The following MMP16 variants were observed in gnomAD, a reference collection of about 807,000 sequenced individuals.
MMP16 encodes the protein matrix metalloproteinase-16.
MMP16 carries 12 observed loss-of-function variants against 67.8 expected under a neutral mutation model. The observed-to-expected ratio is 0.18, with a 90% CI of 0.11 to 0.29. The LOEUF (loss-of-function observed/expected upper bound fraction) is 0.29, where lower values mean the gene tolerates loss of function less well. Among genes scored for constraint, MMP16 ranks in the 10% least tolerant of loss-of-function variants. The pLI is 1.00. For missense variants in MMP16, 475 were observed against 765.7 expected, an observed-to-expected ratio of 0.62 and a Z score of 4.48; for synonymous variants, 249 against 255.9, an observed-to-expected ratio of 0.97 and a Z score of 0.26.
At chr8:88,252,480 A>G (rs1810240562) in intron 1 of MMP16, among the ~76,000 whole-genome samples, 1 of 151,978 alleles carries the variant, frequency 6.6e-6, no homozygotes, top group African/African-American at 2.4e-5. Context: ...CTTTTGAACT[A>G]TTTTTCCCAG....
chr8:88,194,021 G>A (rs1413373024), intron 2 of MMP16, among the ~76,000 whole-genome samples: 2 of 151,854 alleles, frequency 1.3e-5, no homozygotes, highest in Non-Finnish European at 2.9e-5. Context: ...CATTCTGTGG[G>A]AGGGAATAAG....
At chr8:88,189,610 T>A (rs1456124631) in intron 2 of MMP16, among the ~76,000 whole-genome samples, 2 of 152,200 alleles carry the variant, frequency 1.3e-5, no homozygotes, top group Non-Finnish European at 2.9e-5. Context: ...ATGAAATGCC[T>A]TTGTAGAAAG....
In MMP16 at chr8:88,074,816, C is replaced by T. The variant is rs140046806; in HGVS notation, c.1084-73G>A. The T allele has an allele frequency of 2.0e-5, 31 of 1,518,102 alleles. No homozygotes were observed. In the East Asian group the frequency reaches 2.8e-4, roughly 14 times the overall value. The allele number at this position is 1,518,102 out of a possible 1,614,324, so 94.0% of individuals were successfully genotyped here. On this transcript the variant is annotated intron_variant, in intron 6 of 9. Transcript: ENST00000286614. ...GGCATTTCACGGCGCAATGGCTGGA[C>T]GCTTTTGAAATCAAGCTGGTTTCCT...
intron 3 of MMP16, among the ~76,000 whole-genome samples, chr8:88,170,615 G>A (rs1314651493): frequency 6.6e-6 from 1 of 152,092 alleles, no homozygotes; most frequent in Non-Finnish European, 1.5e-5. Context: ...CTCCCACAGT[G>A]CTTATATATT....
chr8:88,250,673 T>G (rs902549406), intron 1 of MMP16, among the ~76,000 whole-genome samples: 23 of 152,076 alleles, frequency 1.5e-4, no homozygotes, highest in Admixed American at 1.5e-3. Flanking sequence ...ATTAAATATA[T>G]ATAAGTTTCA....
chr8:88,111,032 C>G (rs1809325512), intron 6 of MMP16, among the ~76,000 whole-genome samples: 1 of 151,598 alleles, frequency 6.6e-6, no homozygotes, highest in African/African-American at 2.4e-5. Context: ...AATCAGATAG[C>G]TACAGTCTCT....
At chr8:88,087,561 C>T (rs1032350738) in intron 6 of MMP16, among the ~76,000 whole-genome samples, 70 of 151,896 alleles carry the variant, frequency 4.6e-4, no homozygotes, top group African/African-American at 1.6e-3. Context: ...CAGACATGTT[C>T]TTTCTCACCA....
intron 1 of MMP16, among the ~76,000 whole-genome samples, chr8:88,260,569 T>C (rs1227905009): frequency 6.6e-6 from 1 of 152,064 alleles, no homozygotes; most frequent in Non-Finnish European, 1.5e-5. Flanking sequence ...CTCTCCATAG[T>C]CTAAAATCCT....
intron 1 of MMP16, among the ~76,000 whole-genome samples, chr8:88,293,693 T>C (rs893114119): frequency 6.6e-6 from 1 of 152,126 alleles, no homozygotes; most frequent in Non-Finnish European, 1.5e-5. Flanking sequence ...ATCTATAAAA[T>C]AGGTAACTTT....
At chr8:88,051,540 A>T (rs1808270979) in intron 8 of MMP16, among the ~76,000 whole-genome samples, 1 of 152,176 alleles carries the variant, frequency 6.6e-6, no homozygotes, top group Admixed American at 6.5e-5. Context: ...CCAAAGTCCC[A>T]TTCCTCAGAA....
At chr8:88,307,217 C>G (rs924607601) in intron 1 of MMP16, among the ~76,000 whole-genome samples, 1 of 152,112 alleles carries the variant, frequency 6.6e-6, no homozygotes, top group Non-Finnish European at 1.5e-5. Context: ...ATCCAACAAT[C>G]TCTGAACTAC....
intron 8 of MMP16, among the ~76,000 whole-genome samples, chr8:88,054,787 A>G (rs1586125565): frequency 6.6e-6 from 1 of 152,316 alleles, no homozygotes; most frequent in African/African-American, 2.4e-5. Flanking sequence ...ACCATTTGGA[A>G]TTAAAAATTG....
intron 4 of MMP16, among the ~76,000 whole-genome samples, chr8:88,125,243 G>T (rs1433534976): frequency 2.0e-5 from 3 of 149,212 alleles, no homozygotes; most frequent in Non-Finnish European, 4.4e-5. Context: ...ACAATTAGAA[G>T]AAATAAGTAT....
At chr8:88,139,443 A>G (rs1041727817) in intron 4 of MMP16, among the ~76,000 whole-genome samples, 1 of 152,108 alleles carries the variant, frequency 6.6e-6, no homozygotes, top group African/African-American at 2.4e-5. Flanking sequence ...GCATTACTCA[A>G]ACCATCATTT....
At chr8:88,228,438 A>G (rs1219469159) in intron 1 of MMP16, among the ~76,000 whole-genome samples, 1 of 152,096 alleles carries the variant, frequency 6.6e-6, no homozygotes, top group Non-Finnish European at 1.5e-5. Flanking sequence ...CTCTAATGAC[A>G]AGGTAAAATG....
intron 2 of MMP16, among the ~76,000 whole-genome samples, chr8:88,187,493 G>A (rs1294929084): frequency 6.6e-6 from 1 of 152,000 alleles, no homozygotes; most frequent in African/African-American, 2.4e-5. Context: ...TAATTACAAA[G>A]GTAAGGCAGA....
Position 88,105,805 on chromosome 8 carries a change from C to T in MMP16, c.1083+10702G>A, listed in dbSNP as rs560724401. On this transcript the variant is annotated intron_variant, in intron 6 of 9. Transcript: ENST00000286614. ...ACACAGATGCATCATTAAATCTCTG[C>T]TATTAAAGACAAAATTAAAAACAAC... Among the ~76,000 whole-genome samples, 4 of 151,124 alleles carry T rather than the reference C, an allele frequency of 2.6e-5. No individual in the cohort carries two copies. The South Asian group carries it at 8.3e-4, about 31-fold the overall frequency.
intron 1 of MMP16, among the ~76,000 whole-genome samples, chr8:88,246,007 TTC>T (rs1810107979): frequency 6.6e-6 from 1 of 152,160 alleles, no homozygotes; most frequent in Admixed American, 6.6e-5. Context: ...AAGCAAGAAA[TTC>T]TCTGTTAATG....
chr8:88,228,280 T>C (rs1449283835), intron 1 of MMP16, among the ~76,000 whole-genome samples: 1 of 152,078 alleles, frequency 6.6e-6, no homozygotes, highest in Non-Finnish European at 1.5e-5. Context: ...TATAAGAAAA[T>C]AATATGAGAA....
Sources: gnomAD v4.1 joint callset for allele counts (sites outside exome capture counted in the v4.1 genomes callset) on GRCh38, gnomAD v4.1.1 for gene constraint, MANE v1.5 for transcripts, NCBI Gene and HGNC (gene_info 2026-07-23, HGNC 2026-07-21) for gene names.